LARP1: variants seen among roughly 807,000 people sequenced by gnomAD.
LARP1 encodes the protein La ribonucleoprotein 1, translational regulator.
In LARP1, 36 loss-of-function variants were observed where a neutral mutation model predicts 122.7. The observed-to-expected ratio is 0.29, with a 90% CI of 0.22 to 0.39. The LOEUF is 0.39. LARP1 is among the 10% of genes least tolerant of loss of function. The probability of loss-of-function intolerance (pLI) is 1.00; values close to 1 mark genes in which losing one functional copy is unlikely to be tolerated. For missense variants in LARP1, 1,040 were observed against 1,403.6 expected (o/e 0.74, Z 4.14); for synonymous variants, 539 against 528.7 (o/e 1.02, Z -0.27).
intron 1 of LARP1, among the ~76,000 whole-genome samples, chr5:154,691,687 C>T (rs1245473063): frequency 1.3e-5 from 2 of 152,212 alleles, no homozygotes; most frequent in African/African-American, 4.8e-5. Flanking sequence ...GGGCAGCTCA[C>T]GTGAATGGGC....
At chr5:154,789,308 C>T (rs934219182) in intron 1 of LARP1, among the ~76,000 whole-genome samples, 2 of 150,644 alleles carry the variant, frequency 1.3e-5, no homozygotes, top group East Asian at 3.9e-4. Flanking sequence ...CAACCCCCGC[C>T]TCCCGGGTTC....
At chr5:154,724,404 G>T (rs1162745435) in intron 1 of LARP1, among the ~76,000 whole-genome samples, 1 of 152,122 alleles carries the variant, frequency 6.6e-6, no homozygotes, top group Non-Finnish European at 1.5e-5. Flanking sequence ...GTCTTCTCTG[G>T]GTCCAATATC....
intron 1 of LARP1, among the ~76,000 whole-genome samples, chr5:154,687,508 A>G (rs1421943129): frequency 1.3e-5 from 2 of 152,140 alleles, no homozygotes; most frequent in Non-Finnish European, 2.9e-5. Flanking sequence ...CAGCCTCCCT[A>G]GTAGCTGGGA....
intron 1 of LARP1, among the ~76,000 whole-genome samples, chr5:154,773,368 A>T (rs1284397371): frequency 6.6e-6 from 1 of 152,152 alleles, no homozygotes; most frequent in African/African-American, 2.4e-5. Flanking sequence ...GGAAGGTAAC[A>T]GTTTGCTGTT....
chr5:154,773,504 C>A (rs1755611525), intron 1 of LARP1, among the ~76,000 whole-genome samples: 1 of 152,182 alleles, frequency 6.6e-6, no homozygotes, highest in South Asian at 2.1e-4. Context: ...GGCCACAAAT[C>A]ACATGCACAC....
intron 1 of LARP1, among the ~76,000 whole-genome samples, chr5:154,707,096 G>A (rs1754987961): frequency 6.6e-6 from 1 of 152,050 alleles, no homozygotes; most frequent in South Asian, 2.1e-4. Flanking sequence ...TAGAGTTTTT[G>A]GATCATGGAG....
chr5:154,811,717 G>A, intron 18 of LARP1, 77 bp downstream of exon 18: 1 of 1,568,812 alleles, frequency 6.4e-7, no homozygotes. Context: ...TTGGATTCTG[G>A]TCCAGCTGTG....
chr5:154,694,881 T>G (rs1754394948), intron 1 of LARP1, among the ~76,000 whole-genome samples: 1 of 152,188 alleles, frequency 6.6e-6, no homozygotes, highest in Non-Finnish European at 1.5e-5. Context: ...AAGAAAAATT[T>G]TCTTTCCCTT....
intron 1 of LARP1, among the ~76,000 whole-genome samples, chr5:154,765,200 A>G (rs1031462013): frequency 1.3e-5 from 2 of 152,080 alleles, no homozygotes; most frequent in African/African-American, 2.4e-5. Flanking sequence ...CCCTTCCAGC[A>G]TCAGTCCTCA....
At chr5:154,756,236 C>T (rs1406789918) in intron 1 of LARP1, 43 bp downstream of exon 1, 2 of 1,196,878 alleles carry the variant, frequency 1.7e-6, no homozygotes, top group South Asian at 1.5e-5. Context: ...GGGCCTCTTC[C>T]GGGGACATGG....
chr5:154,808,635 G>C lies in LARP1; in HGVS notation c.2843+32G>C, dbSNP rs747272735. On this transcript the variant is annotated intron_variant, in intron 16 of 18. Transcript: ENST00000518297. ...AGGTTTGGGTGGGGGACTTTGGCTGGTGCTTAGGGATGATGTGGGATCCCT... is the reference window on the plus strand; with the variant it reads ...AGGTTTGGGTGGGGGACTTTGGCTGCTGCTTAGGGATGATGTGGGATCCCT... 3.1e-6 allele frequency: 5 copies of C among 1,599,528 alleles called. No homozygotes were observed. In the Admixed American group the frequency reaches 8.5e-5, roughly 27 times the overall value.
chr5:154,775,945 C>T (rs939668692), intron 1 of LARP1, among the ~76,000 whole-genome samples: 2 of 152,156 alleles, frequency 1.3e-5, no homozygotes, highest in Non-Finnish European at 2.9e-5. Context: ...AAAAGGGGCA[C>T]GGCAGGAGGC....
At chr5:154,809,582 C>T (rs1354023075) in intron 16 of LARP1, among the ~76,000 whole-genome samples, 1 of 151,686 alleles carries the variant, frequency 6.6e-6, no homozygotes, top group Non-Finnish European at 1.5e-5. Context: ...TACTTGTTTA[C>T]AAAAATGGAC....
At position 154,802,321 on chromosome 5, in the gene LARP1, G is replaced by A. The variant is rs888539796; in HGVS notation, c.2031G>A (p.Lys677=). 4.3e-6 allele frequency: 7 copies of A among 1,614,070 alleles called. No individual in the cohort carries two copies. Among genetic ancestry groups the A allele is most frequent in the Non-Finnish European group, 5.9e-6 (7 of 1,180,042 alleles). The change falls in exon 11 of 19, where the codon AAG becomes AAA. Residue 677 remains lysine, a synonymous_variant. Transcript: ENST00000518297. This position sits in a 1 kb window ranked among gnomAD's most constrained non-coding sequence, Gnocchi z 5.1. The part of the protein sequence containing the change: ...SRAKMSAELA[K]VINDGLFYYE... ...CCAAGATGAGCGCCGAACTGGCCAAGGTCATTAATGATGGCCTCTTCTACT... is the reference window on the plus strand; with the variant it reads ...CCAAGATGAGCGCCGAACTGGCCAAAGTCATTAATGATGGCCTCTTCTACT...
intron 1 of LARP1, among the ~76,000 whole-genome samples, chr5:154,686,528 A>G (rs1561524950): frequency 6.6e-6 from 1 of 152,262 alleles, no homozygotes; most frequent in Non-Finnish European, 1.5e-5. Context: ...GAGATTTCAC[A>G]TAAAGATCCA....
intron 1 of LARP1, among the ~76,000 whole-genome samples, chr5:154,693,022 A>G (rs923922862): frequency 1.4e-5 from 2 of 140,130 alleles, no homozygotes; most frequent in African/African-American, 2.8e-5. Flanking sequence ...ACAAAGTCTC[A>G]TTATGTTGCC....
intron 14 of LARP1, 98 bp from the exon 15 acceptor site, chr5:154,805,783 A>T (rs938452018): frequency 2.3e-6 from 3 of 1,300,396 alleles, no homozygotes; most frequent in African/African-American, 1.5e-5. Flanking sequence ...CTGTGAGAGG[A>T]TGGATCTTGG....
intron 1 of LARP1, among the ~76,000 whole-genome samples, chr5:154,780,876 A>G (rs747439419): frequency 6.6e-6 from 1 of 152,024 alleles, no homozygotes; most frequent in Non-Finnish European, 1.5e-5. Context: ...AGCCTGGCCA[A>G]CATGGTGAAA....
At chr5:154,729,625 C>T (rs1756435078) in intron 1 of LARP1, 2 of 419,136 alleles carry the variant, frequency 4.8e-6, no homozygotes, top group Admixed American at 2.8e-5. Flanking sequence ...TCCACCCAAA[C>T]ACACTTTGTG....
Sources: gnomAD v4.1 joint callset for allele counts (sites outside exome capture counted in the v4.1 genomes callset) on GRCh38, gnomAD v4.1.1 for gene constraint, Gnocchi (gnomAD v3.1) non-coding constraint, MANE v1.5 for transcripts, NCBI Gene and HGNC (gene_info 2026-07-23, HGNC 2026-07-21) for gene names.